Variants in STRIP1 observed in about 807,000 individuals in gnomAD.
STRIP1 encodes the protein striatin interacting protein 1, also known as striatin-interacting protein 1.
A neutral mutation model predicts 106.2 loss-of-function variants in STRIP1; 63 were observed. The observed-to-expected ratio is 0.59, with a 90% CI of 0.48 to 0.73. STRIP1 has a LOEUF of 0.73. Ranked by LOEUF, STRIP1 falls within the 30% of genes least tolerant of loss-of-function variation. The pLI, the probability that STRIP1 is intolerant of heterozygous loss-of-function variation, is 0.00. For missense variants in STRIP1, 857 were observed against 1,074.8 expected (o/e 0.80, Z 2.83); for synonymous variants, 390 against 413.0 (o/e 0.94, Z 0.67).
chr1:110,049,049 G>T (rs1169452499), intron 15 of STRIP1, 63 bp from the exon 16 acceptor site: 2 of 1,602,594 alleles, frequency 1.2e-6, no homozygotes, highest in African/African-American at 2.7e-5. Context: ...CATCTTTTCT[G>T]TGGGCACCTA....
At position 110,053,971 on chromosome 1, in the gene STRIP1, C is replaced by T. The variant is rs1653421862; in HGVS notation, c.*59C>T. On this transcript the variant is annotated 3_prime_UTR_variant, in exon 21 of 21. Coordinates refer to ENST00000369795, the MANE Select transcript of STRIP1 (RefSeq NM_033088.4). The stretch of plus-strand genomic sequence containing the variant: ...AGATGATCTGAAGGTACCTGTGGGA[C>T]TGTCCTAGTTCATTGCTGCAGTGCT... 1 of 1,594,160 alleles carries T rather than the reference C, an allele frequency of 6.3e-7. No individual in the cohort carries two copies. Among genetic ancestry groups the T allele is most frequent in the Non-Finnish European group, 8.6e-7 (1 of 1,169,334 alleles).
rs773264962 is a variant in STRIP1, at chr1:110,034,645, C to T, written c.8C>T (p.Pro3Leu). ME[P>L]AVGGPGPLIV... ...GGGTGTGGAGCAGCCAAGATGGAGC[C>T]GGCAGTCGGCGGTCCGGGCCCACTG... is the stretch of plus-strand genomic sequence containing the variant. The change falls in exon 1 of 21, where the codon CCG becomes CTG. Residue 3 changes from proline (P) to leucine (L), a missense_variant. Around this residue, in one of 2 missense-constraint regions of STRIP1, gnomAD observed 107 missense variants for 85.1 expected, o/e 1.26. Transcript: ENST00000369795. 7 of 1,520,768 alleles carry T rather than the reference C, an allele frequency of 4.6e-6. No homozygotes were observed. The highest frequency in any genetic ancestry group is 1.4e-5 in the African/African-American group (1 of 69,310). 94.2% of individuals were successfully genotyped at this position (1,520,768 alleles called of 1,614,324 possible). A position where few individuals can be genotyped will look rare whatever the true frequency, so the allele number is the denominator to read the frequency against.
At position 110,035,063 on chromosome 1, in the gene STRIP1, C is replaced by G. The variant is rs117748227; in HGVS notation, c.180+246C>G. On this transcript the variant is annotated intron_variant, in intron 1 of 20. Coordinates refer to ENST00000369795, the MANE Select transcript of STRIP1 (RefSeq NM_033088.4). ...CGTGGCCGGCGACTGCTGGTTTGCT[C>G]CCCTGGGCCCCGACTGTGGGCGTGG... 2.5e-3 allele frequency among the ~76,000 whole-genome samples: 381 copies of G among 152,332 alleles called. 5 individuals are homozygous for G. In the East Asian group the frequency reaches 0.033, roughly 13 times the overall value.
At chr1:110,043,313 G>C in intron 9 of STRIP1, 43 bp downstream of exon 9, 1 of 1,586,488 alleles carries the variant, frequency 6.3e-7, no homozygotes. Context: ...GGGCCCTCAA[G>C]GTGCATGCTT....
At position 110,041,611 on chromosome 1, in the gene STRIP1, G is replaced by A. The variant is rs1297703406; in HGVS notation, c.726G>A (p.Arg242=). The A allele has an allele frequency of 1.9e-6, 3 of 1,614,032 alleles. No individual in the cohort carries two copies. Among genetic ancestry groups the A allele is most frequent in the African/African-American group, 2.7e-5 (2 of 74,908 alleles). The change falls in exon 7 of 21, where the codon AGG becomes AGA. Residue 242 remains arginine (R), a synonymous_variant. Transcript: ENST00000369795. ...QECEGDKAEW[R]TMRQTFRAEL... is the part of the protein sequence containing the mutation. ...GTGAGGGTGACAAGGCTGAGTGGAG[G>A]ACCATGCGGCAGACCTTCAGAGCCG... is the stretch of plus-strand genomic sequence containing the variant.
At position 110,038,741 on chromosome 1, in the gene STRIP1, G is replaced by T; in HGVS notation, c.309G>T (p.Glu103Asp). Residue 103 changes from glutamate to aspartate, a missense_variant, in exon 3 of 21, where the codon GAG becomes GAT. Transcript: ENST00000369795. ...TGATGAATCGAAAATGCTTTGAGGAGGACTTCCGGATCCATGGTGAGATGA... is the reference window on the plus strand; with the variant it reads ...TGATGAATCGAAAATGCTTTGAGGATGACTTCCGGATCCATGGTGAGATGA... ...EFLMNRKCFE[E>D]DFRIHVTDKK... 1 of 1,614,062 alleles carries T rather than the reference G, an allele frequency of 6.2e-7. No homozygotes were observed. The highest frequency in any genetic ancestry group is 8.5e-7 in the Non-Finnish European group (1 of 1,179,920).
chr1:110,051,559 A>T, intron 19 of STRIP1, 124 bp from the exon 20 acceptor site: 1 of 972,792 alleles, frequency 1.0e-6, no homozygotes, highest in Non-Finnish European at 1.5e-6. Flanking sequence ...CTTCAGTCCA[A>T]GGGAAACTGG....
intron 17 of STRIP1, 54 bp from the exon 18 acceptor site, chr1:110,050,289 C>G: frequency 6.3e-7 from 1 of 1,581,552 alleles, no homozygotes; most frequent in Non-Finnish European, 8.7e-7. Context: ...GGCTGCTCCA[C>G]CAGGCCCTGG....
chr1:110,037,864 C>T, intron 1 of STRIP1, 27 bp from the exon 2 acceptor site: 1 of 1,543,712 alleles, frequency 6.5e-7, no homozygotes, highest in Non-Finnish European at 9.0e-7. Flanking sequence ...GATCCTTTTT[C>T]CTAAAGCTCT....
At chr1:110,040,360 T>A (rs559099413) in intron 5 of STRIP1, among the ~76,000 whole-genome samples, 1 of 152,274 alleles carries the variant, frequency 6.6e-6, no homozygotes, top group South Asian at 2.1e-4. Flanking sequence ...TTTTGTATTT[T>A]TAGTAGAGAT....
chr1:110,038,438 G>A (rs368305294), intron 2 of STRIP1, among the ~76,000 whole-genome samples: 2 of 152,278 alleles, frequency 1.3e-5, no homozygotes, highest in East Asian at 3.9e-4. Context: ...CCCTGGCATG[G>A]CATGGTGGGA....
upstream of STRIP1, chr1:110,034,599 G>A: frequency 2.0e-6 from 3 of 1,474,162 alleles, no homozygotes; most frequent in South Asian, 1.4e-5. Context: ...CATCACGGCG[G>A]CTGTGCGCGA....
intron 1 of STRIP1, among the ~76,000 whole-genome samples, chr1:110,036,368 G>A (rs887420031): frequency 7.2e-5 from 11 of 152,132 alleles, no homozygotes; most frequent in African/African-American, 2.7e-4. Context: ...CAGGAGAATT[G>A]CTTGAACCTG....
At chr1:110,050,169 CAG>C (rs967780433) in intron 17 of STRIP1, 172 bp from the exon 18 acceptor site, 13 of 613,126 alleles carry the variant, frequency 2.1e-5, no homozygotes, top group Admixed American at 1.5e-4. Context: ...TCTCTTGTAA[CAG>C]ATATTTCCTC....
intron 10 of STRIP1, 69 bp from the exon 11 acceptor site, chr1:110,044,771 A>T: frequency 6.8e-7 from 1 of 1,466,594 alleles, no homozygotes; most frequent in Non-Finnish European, 9.5e-7. Flanking sequence ...GTTTTTGTTA[A>T]CTGTAACACT....
intron 12 of STRIP1, chr1:110,045,280 G>A: frequency 5.3e-6 from 3 of 563,180 alleles, no homozygotes; most frequent in Non-Finnish European, 9.5e-6. Context: ...TTTTAGCTGA[G>A]CTTTTGTTTG....
chr1:110,046,097 C>T (rs1653007543), intron 12 of STRIP1, among the ~76,000 whole-genome samples: 2 of 152,212 alleles, frequency 1.3e-5, no homozygotes, highest in South Asian at 2.1e-4. Context: ...TTCAGTTTTT[C>T]TCCTGTTGCT....
At chr1:110,051,556 C>G in intron 19 of STRIP1, 127 bp from the exon 20 acceptor site, 1 of 944,896 alleles carries the variant, frequency 1.1e-6, no homozygotes, top group Non-Finnish European at 1.6e-6. Context: ...ACTCTTCAGT[C>G]CAAGGGAAAC....
rs909954074 is a variant in STRIP1, at chr1:110,043,158, C to G, written c.956C>G (p.Pro319Arg). The G allele has an allele frequency of 5.0e-6, 8 of 1,613,932 alleles. No individual in the cohort carries two copies. Among genetic ancestry groups the G allele is most frequent in the Non-Finnish European group, 5.9e-6 (7 of 1,180,050 alleles). The change falls in exon 9 of 21, where the codon CCG (proline) becomes CGG (arginine). Residue 319 changes from proline (P) to arginine (R), a missense_variant. Pro to Arg is a moderately radical substitution (Grantham distance 103). Coordinates refer to ENST00000369795, the MANE Select transcript of STRIP1 (RefSeq NM_033088.4). ...AAGCGCAGCATCCTGGGCCTCCCCC[C>G]GCTTCCTGAGGACAGCATCAAAGTG... is the stretch of plus-strand genomic sequence containing the variant. ...AEKRSILGLP[P>R]LPEDSIKVIR...
Sources: gnomAD v4.1 joint callset for allele counts (sites outside exome capture counted in the v4.1 genomes callset) on GRCh38, gnomAD v4.1.1 for gene constraint, gnomAD v4.1.1 regional missense constraint, MANE v1.5 for transcripts, NCBI Gene and HGNC (gene_info 2026-07-23, HGNC 2026-07-21) for gene names.